ZNF292: variants seen among roughly 807,000 people sequenced by gnomAD.
The protein encoded by ZNF292 is 16 zinc-finger domain protein.
A neutral mutation model predicts 217.9 loss-of-function variants in ZNF292; 26 were observed. The observed-to-expected ratio is 0.12, with a 90% confidence interval of 0.09 to 0.17. The LOEUF is 0.17. Ranked by LOEUF, ZNF292 falls within the 10% of genes least tolerant of loss-of-function variation. The pLI, the probability that ZNF292 is intolerant of heterozygous loss-of-function variation, is 1.00. For missense variants in ZNF292, 2,904 were observed against 3,175.2 expected, an observed-to-expected ratio of 0.91 and a Z score of 2.05; for synonymous variants, 1,257 against 1,124.1, an observed-to-expected ratio of 1.12 and a Z score of -2.37.
rs1194579255 is a variant in ZNF292, at chr6:87,264,406, ATTATT to A, written c.*2609_*2613del. The stretch of plus-strand genomic sequence containing the variant: ...GTGTTAAATTTAACATAGGTACATT[ATTATT>A]TTAAAGGGCTAGACATATTTTTAAG... On this transcript the variant is annotated 3_prime_UTR_variant, in exon 8 of 8. Coordinates refer to ENST00000369577, the MANE Select transcript of ZNF292 (RefSeq NM_015021.3). Among the ~76,000 whole-genome samples, 1 of 152,224 alleles carries A rather than the reference ATTATT, an allele frequency of 6.6e-6. No individual in the cohort carries two copies. The highest frequency in any genetic ancestry group is 1.9e-4 in the East Asian group (1 of 5,204).
intron 1 of ZNF292, among the ~76,000 whole-genome samples, chr6:87,169,029 T>C (rs1345399185): frequency 5.7e-5 from 8 of 141,068 alleles, no homozygotes; most frequent in Non-Finnish European, 4.6e-5. Flanking sequence ...ATTGTTACTT[T>C]TTATTGCTTT....
intron 7 of ZNF292, chr6:87,249,378 T>A: frequency 2.3e-6 from 1 of 427,924 alleles, no homozygotes; most frequent in Admixed American, 2.5e-5. Context: ...TCTCCGTGCC[T>A]TGGCCTTCCA....
chr6:87,249,039 C>G (rs1774754087), intron 7 of ZNF292, among the ~76,000 whole-genome samples: 1 of 152,146 alleles, frequency 6.6e-6, no homozygotes, highest in African/African-American at 2.4e-5. Flanking sequence ...AGTTTGGGTT[C>G]AGAATTAGAG....
At chr6:87,191,965 T>G (rs1279562082) in intron 1 of ZNF292, among the ~76,000 whole-genome samples, 1 of 152,218 alleles carries the variant, frequency 6.6e-6, no homozygotes, top group African/African-American at 2.4e-5. Context: ...CCTGGCACTT[T>G]TAATCTTTAT....
chr6:87,264,142 A>G lies in ZNF292; in HGVS notation c.*2341A>G, dbSNP rs1775739287. The G allele has an allele frequency of 6.6e-6, 1 of 152,192 alleles. No homozygotes were observed. Among genetic ancestry groups the G allele is most frequent in the South Asian group, 2.1e-4 (1 of 4,824 alleles). The allele number at this position is 152,192 out of a possible 1,614,324, so 9.4% of individuals were successfully genotyped here. A position where few individuals can be genotyped will look rare whatever the true frequency, so the allele number is the denominator to read the frequency against. ...GAATAGCATGTTGGTAAATTTTGAT[A>G]CGGAATGTAATGTCTAAGTATTAAA... On this transcript the variant is annotated 3_prime_UTR_variant, in exon 8 of 8. Transcript: ENST00000369577.
rs573630067 is a variant in ZNF292 at position 87,179,800 on chromosome 6, A to C, written c.168+24041A>C. Among the ~76,000 whole-genome samples the C allele has an allele frequency of 2.0e-5, 3 of 152,324 alleles. No individual in the cohort carries two copies. In the South Asian group the frequency reaches 6.2e-4, roughly 32 times the overall value. On this transcript the variant is annotated intron_variant, in intron 1 of 7. Transcript: ENST00000369577. ...GAAGTTTTCTAAGAATACATTATTA[A>C]ATAACTGCCTGATTTATTTGCCCTA...
chr6:87,258,189 A>G lies in ZNF292; in HGVS notation c.4560A>G (p.Ala1520=). 6 of 1,611,718 alleles carry G rather than the reference A, an allele frequency of 3.7e-6. No individual in the cohort carries two copies. The highest frequency in any genetic ancestry group is 5.1e-6 in the Non-Finnish European group (6 of 1,179,000). The part of the protein sequence containing the change: ...SHVSTGCVSD[A]SQVNATVMPN... ...TTTCAACAGGTTGTGTCTCTGATGC[A>G]TCACAAGTAAATGCAACGGTGATGC... is the stretch of plus-strand genomic sequence containing the variant. The change falls in exon 8 of 8, where the codon GCA becomes GCG. Residue 1520 remains alanine (A), a synonymous_variant. Coordinates refer to ENST00000369577, the MANE Select transcript of ZNF292 (RefSeq NM_015021.3).
Position 87,258,857 on chromosome 6 carries a change from A to G in ZNF292, c.5228A>G (p.Asp1743Gly), listed in dbSNP as rs1775393149. The change falls in exon 8 of 8, where the codon GAT becomes GGT. Residue 1743 changes from aspartate (D) to glycine (G), a missense_variant. Around this residue, in one of 15 missense-constraint regions of ZNF292, gnomAD observed 622 missense variants for 573.1 expected, o/e 1.09. Transcript: ENST00000369577. ...TCATGCACAACTTCAATAAATTCTGATTTGCAGATTTCTGAAGACAATGTT... is the reference window on the plus strand; with the variant it reads ...TCATGCACAACTTCAATAAATTCTGGTTTGCAGATTTCTGAAGACAATGTT... ...LNSCTTSINS[D>G]LQISEDNVIQ... 6.2e-7 allele frequency: 1 copy of G among 1,609,880 alleles called. No homozygotes were observed. The highest frequency in any genetic ancestry group is 8.5e-7 in the Non-Finnish European group (1 of 1,177,696).
intron 5 of ZNF292, 186 bp downstream of exon 5, chr6:87,233,713 T>TG: frequency 1.1e-6 from 1 of 899,286 alleles, no homozygotes; most frequent in Non-Finnish European, 1.3e-6. Flanking sequence ...GTAAACTGAT[T>TG]GCACCTAGTT....
intron 1 of ZNF292, among the ~76,000 whole-genome samples, chr6:87,177,287 A>G (rs1771333127): frequency 6.6e-6 from 1 of 150,932 alleles, no homozygotes; most frequent in South Asian, 2.1e-4. Flanking sequence ...AGATCGCACC[A>G]CTGTACTCCA....
Position 87,262,566 on chromosome 6 carries a change from A to G in ZNF292, c.*765A>G, listed in dbSNP as rs1044522201. The G allele has an allele frequency of 6.6e-6, 1 of 151,828 alleles. No homozygotes were observed. Among genetic ancestry groups the G allele is most frequent in the African/African-American group, 2.4e-5 (1 of 41,378 alleles). 9.4% of individuals were successfully genotyped at this position (151,828 alleles called of 1,614,324 possible). On this transcript the variant is annotated 3_prime_UTR_variant, in exon 8 of 8. Transcript: ENST00000369577. ...TAGTTACTATGAGTCCATGAAATAC[A>G]ATGGAAATGTGAATAAAGAATTTAC...
intron 7 of ZNF292, among the ~76,000 whole-genome samples, chr6:87,250,258 C>A (rs985840353): frequency 6.9e-6 from 1 of 144,768 alleles, no homozygotes; most frequent in African/African-American, 2.7e-5. Context: ...ACAGTGAAAC[C>A]TGATCTCTAC....
intron 7 of ZNF292, among the ~76,000 whole-genome samples, chr6:87,246,138 G>A (rs1191601105): frequency 3.9e-5 from 6 of 152,206 alleles, no homozygotes; most frequent in Admixed American, 2.6e-4. Flanking sequence ...GGCTGAGGCA[G>A]TAGAATTGCT....
chr6:87,196,232 A>G (rs1474205210), intron 1 of ZNF292, among the ~76,000 whole-genome samples: 1 of 152,170 alleles, frequency 6.6e-6, no homozygotes, highest in Non-Finnish European at 1.5e-5. Context: ...AGTACTTTGC[A>G]TTTCCAAAGT....
chr6:87,156,142 G>A (rs1770528594), intron 1 of ZNF292, among the ~76,000 whole-genome samples: 1 of 152,188 alleles, frequency 6.6e-6, no homozygotes. Flanking sequence ...CGCGCCTCCC[G>A]CCTCTGCGCC....
chr6:87,226,662 TATATAGATATATAGATATATAGA>T (rs1773365053), intron 4 of ZNF292, among the ~76,000 whole-genome samples: 1 of 102,940 alleles, frequency 9.7e-6, no homozygotes, highest in Non-Finnish European at 1.9e-5. Flanking sequence ...TATATATAGA[TATATAGATATATAGATATATAGA>T]TTTTTTTTTT....
chr6:87,244,082 G>C (rs1049095417), intron 6 of ZNF292, among the ~76,000 whole-genome samples: 2 of 152,106 alleles, frequency 1.3e-5, no homozygotes, highest in African/African-American at 4.8e-5. Context: ...CAATTTATCT[G>C]GTCAGTCAAC....
Position 87,243,458 on chromosome 6 carries a change from A to G in ZNF292, c.742-17A>G, listed in dbSNP as rs763819547. 9.8e-6 allele frequency: 15 copies of G among 1,532,798 alleles called. No homozygotes were observed. Among genetic ancestry groups the G allele is most frequent in the Middle Eastern group, 1.7e-4 (1 of 5,910 alleles). 94.9% of individuals were successfully genotyped at this position (1,532,798 alleles called of 1,614,324 possible). A position where few individuals can be genotyped will look rare whatever the true frequency, so the allele number is the denominator to read the frequency against. ...TAAAACCATTTTGTGGCATATTTCT[A>G]TTGGCTTTTTCTTTAGATTTCAGAA... On this transcript the variant is annotated splice_polypyrimidine_tract_variant and intron_variant, in intron 5 of 7. Transcript: ENST00000369577.
chr6:87,216,143 A>C (rs1772758787), intron 2 of ZNF292, 86 bp downstream of exon 2: 1 of 1,040,872 alleles, frequency 9.6e-7, no homozygotes, highest in South Asian at 1.8e-5. Context: ...ACACACACAC[A>C]CACACACACA....
Sources: allele counts gnomAD v4.1 joint callset (sites outside exome capture counted in the v4.1 genomes callset), GRCh38; gene constraint gnomAD v4.1.1; regional missense constraint gnomAD v4.1.1; transcripts MANE v1.5; gene names NCBI Gene and HGNC (gene_info 2026-07-23, HGNC 2026-07-21).